The following CORO1B variants were observed in gnomAD, a reference collection of about 807,000 sequenced individuals.
CORO1B encodes the protein coronin 1B.
CORO1B carries 30 observed loss-of-function variants against 51.1 expected under a neutral mutation model. The ratio of observed to expected loss-of-function variants is 0.59; its 90% CI spans 0.44 to 0.80. The LOEUF is 0.80. CORO1B is among the 30% of genes least tolerant of loss of function. CORO1B has a pLI of 0.00. For synonymous variants in CORO1B, 310 were observed against 289.7 expected (o/e 1.07, Z -0.71); for missense variants, 648 against 700.4 (o/e 0.93, Z 0.84).
upstream of CORO1B, chr11:67,443,652 TG>T: frequency 2.3e-6 from 2 of 866,822 alleles, no homozygotes; most frequent in South Asian, 1.1e-4. Flanking sequence ...TAGGACCCGG[TG>T]GAGCGCCCCC....
Position 67,442,177 on chromosome 11 carries a change from C to T in CORO1B, c.202-89G>A, listed in dbSNP as rs148289746. ...TGGAGTGGGAATGACATGCACGTCC[C>T]GGCTCACAGGTGGCCCAGATGTGAC... On this transcript the variant is annotated intron_variant, in intron 2 of 10. Transcript: ENST00000341356. 505 of 1,566,068 alleles carry T rather than the reference C, an allele frequency of 3.2e-4. 2 individuals are homozygous for T. Among genetic ancestry groups the T allele is most frequent in the East Asian group, 1.4e-3 (63 of 44,166 alleles).
chr11:67,438,476 A>C lies in CORO1B; in HGVS notation c.1370T>G (p.Met457Arg), dbSNP rs200669952. ...CGCCCTCAGGGCCCGCAGCTCCTGC[A>C]TCACCTCCTCCAGCTTCCCAGCCTC... ...AGEAGKLEEV[M>R]QELRALRALV... The change falls in exon 11 of 11, where the codon ATG (methionine) becomes AGG (arginine). Residue 457 changes from methionine to arginine, a missense_variant. By Grantham distance (91) the Met-to-Arg change is moderately conservative. Transcript: ENST00000341356. 70 of 1,609,854 alleles carry C rather than the reference A, an allele frequency of 4.3e-5. No individual in the cohort carries two copies. The highest frequency in any genetic ancestry group is 4.8e-5 in the Non-Finnish European group (57 of 1,177,854).
Position 67,443,427 on chromosome 11 carries a change from G to GT in CORO1B, c.-27_-26insA, listed in dbSNP as rs1200366676. The GT allele has an allele frequency of 1.0e-6, 1 of 984,138 alleles. No individual in the cohort carries two copies. The highest frequency in any genetic ancestry group is 1.1e-4 in the East Asian group (1 of 8,832). 61.0% of individuals were successfully genotyped at this position (984,138 alleles called of 1,614,324 possible). A position where few individuals can be genotyped will look rare whatever the true frequency, so the allele number is the denominator to read the frequency against. Reference sequence around the variant, plus strand: ...ACCGGGGGCACCGGGGGCGCAGGGGGCTGCGGCACCGGCTTCGGGCGGCTC... The same window carrying GT: ...ACCGGGGGCACCGGGGGCGCAGGGGGTCTGCGGCACCGGCTTCGGGCGGCTC... On this transcript the variant is annotated 5_prime_UTR_variant, in exon 1 of 11. Coordinates refer to ENST00000341356, the MANE Select transcript of CORO1B (RefSeq NM_020441.3).
rs1590988159 is a variant in CORO1B at position 67,442,411 on chromosome 11, A to G, written c.201+17T>C. 3 of 1,611,428 alleles carry G rather than the reference A, an allele frequency of 1.9e-6. No homozygotes were observed. Among genetic ancestry groups the G allele is most frequent in the South Asian group, 2.2e-5 (2 of 91,042 alleles). The stretch of plus-strand genomic sequence containing the variant: ...GGCCGAGGTGCCTCCTCTTCCCCCA[A>G]CCCTGACAGGACCCACCTTGCTTAG... On this transcript the variant is annotated intron_variant, in intron 2 of 10. Transcript: ENST00000341356.
In CORO1B at chr11:67,438,899, T is replaced by C. The variant is rs1461476796; in HGVS notation, c.1116A>G (p.Ala372=). ...TCACCCACTCCTCAGCCTCCAGGGC[T>C]GCCTCGGGCCCGGCTGTGTCGGGGT... is the stretch of plus-strand genomic sequence containing the variant. ...DLYPDTAGPE[A]ALEAEEWVSG... The change falls in exon 10 of 11, where the codon GCA becomes GCG. Residue 372 remains alanine, a synonymous_variant. Transcript: ENST00000341356. The C allele has an allele frequency of 3.7e-6, 6 of 1,609,518 alleles. No homozygotes were observed. In the South Asian group the frequency reaches 6.6e-5, roughly 18 times the overall value.
Position 67,441,143 on chromosome 11 carries a change from C to T in CORO1B, c.738G>A (p.Gln246=). Residue 246 remains glutamine (Q), a synonymous_variant, in exon 6 of 11, where the codon CAG becomes CAA. Coordinates refer to ENST00000341356, the MANE Select transcript of CORO1B (RefSeq NM_020441.3). ...TTGFSRMSER[Q]LALWDPENLE... ...CACTCACTGGGTCCCAGAGCGCCAG[C>T]TGCCGCTCGCTCATTCGGCTGAAGC... 3 of 1,613,044 alleles carry T rather than the reference C, an allele frequency of 1.9e-6. No individual in the cohort carries two copies. The highest frequency in any genetic ancestry group is 8.5e-7 in the Non-Finnish European group (1 of 1,180,000).
At position 67,438,242 on chromosome 11, in the gene CORO1B, CG is replaced by C; in HGVS notation, c.*133del. 8.9e-7 allele frequency: 1 copy of C among 1,127,488 alleles called. No homozygotes were observed. The highest frequency in any genetic ancestry group is 1.2e-6 in the Non-Finnish European group (1 of 804,880). The allele number at this position is 1,127,488 out of a possible 1,614,324, so 69.8% of individuals were successfully genotyped here. On this transcript the variant is annotated 3_prime_UTR_variant, in exon 11 of 11. Coordinates refer to ENST00000341356, the MANE Select transcript of CORO1B (RefSeq NM_020441.3). ...CGCTGGCTTCGGCCTGGGCCTGGGA[CG>C]GGTGGGGGTGGGAACTGACCCCTGC... is the stretch of plus-strand genomic sequence containing the variant.
In CORO1B at chr11:67,436,438, T is replaced by C. The variant is rs1864282396; in HGVS notation, c.*1938A>G. On this transcript the variant is annotated 3_prime_UTR_variant, in exon 11 of 11. Coordinates refer to ENST00000341356, the MANE Select transcript of CORO1B (RefSeq NM_020441.3). Reference sequence around the variant, plus strand: ...GGCTGGGTGACCAAGACCACTTTCGTTTTTTTCTCTTTGGGATCCTCTTGG... The same window carrying C: ...GGCTGGGTGACCAAGACCACTTTCGCTTTTTTCTCTTTGGGATCCTCTTGG... 1 of 1,376,290 alleles carries C rather than the reference T, an allele frequency of 7.3e-7. No homozygotes were observed. The highest frequency in any genetic ancestry group is 2.7e-5 in the East Asian group (1 of 37,666). 85.3% of individuals were successfully genotyped at this position (1,376,290 alleles called of 1,614,324 possible). A position where few individuals can be genotyped will look rare whatever the true frequency, so the allele number is the denominator to read the frequency against.
In CORO1B at chr11:67,436,027, A is replaced by C. The variant is rs778676732; in HGVS notation, c.*2349T>G. On this transcript the variant is annotated 3_prime_UTR_variant, in exon 11 of 11. Transcript: ENST00000341356. ...CGTGGTCATAGTCTGTGTCCTGCTC[A>C]TCCTCCTGTCGCTCAAGGTCATTGT... 1.2e-6 allele frequency: 2 copies of C among 1,613,646 alleles called. No homozygotes were observed. Among genetic ancestry groups the C allele is most frequent in the Non-Finnish European group, 1.7e-6 (2 of 1,179,858 alleles).
rs146626804 is a variant in CORO1B, at chr11:67,438,875, C to T, written c.1140G>A (p.Val380=). The part of the protein sequence containing the change: ...PEAALEAEEW[V]SGRDADPILI... ...GGATCGGGTCGGCATCCCGCCCGCT[C>T]ACCCACTCCTCAGCCTCCAGGGCTG... Residue 380 remains valine, a synonymous_variant, in exon 10 of 11, where the codon GTG becomes GTA. Coordinates refer to ENST00000341356, the MANE Select transcript of CORO1B (RefSeq NM_020441.3). The T allele has an allele frequency of 6.7e-5, 108 of 1,608,680 alleles. No homozygotes were observed. In the African/African-American group the frequency reaches 1.4e-3, roughly 20 times the overall value.
Position 67,443,458 on chromosome 11 carries a change from C to T in CORO1B, c.-57G>A, listed in dbSNP as rs1864436823. The T allele has an allele frequency of 2.0e-6, 2 of 986,210 alleles. No homozygotes were observed. Among genetic ancestry groups the T allele is most frequent in the East Asian group, 1.1e-4 (1 of 8,830 alleles). The allele number at this position is 986,210 out of a possible 1,614,324, so 61.1% of individuals were successfully genotyped here. ...GCACCGGCTTCGGGCGGCTCCGGATCCCGGCCTCTGGGAAGCAGGAAGCAG... is the reference window on the plus strand; with the variant it reads ...GCACCGGCTTCGGGCGGCTCCGGATTCCGGCCTCTGGGAAGCAGGAAGCAG... On this transcript the variant is annotated 5_prime_UTR_variant, in exon 1 of 11. Coordinates refer to ENST00000341356, the MANE Select transcript of CORO1B (RefSeq NM_020441.3).
rs1001846227 is a variant in CORO1B at position 67,436,570 on chromosome 11, ACAGCTG to A, written c.*1800_*1805del. 108 of 460,770 alleles carry A rather than the reference ACAGCTG, an allele frequency of 2.3e-4. No individual in the cohort carries two copies. Among genetic ancestry groups the A allele is most frequent in the African/African-American group, 2.1e-3 (104 of 49,354 alleles). The allele number at this position is 460,770 out of a possible 1,614,324, so 28.5% of individuals were successfully genotyped here. A position where few individuals can be genotyped will look rare whatever the true frequency, so the allele number is the denominator to read the frequency against. On this transcript the variant is annotated 3_prime_UTR_variant, in exon 11 of 11. Coordinates refer to ENST00000341356, the MANE Select transcript of CORO1B (RefSeq NM_020441.3). ...TCCTCCCTACCACTCACCTCCCCCA[ACAGCTG>A]CATTAAGCCACCTGCCTGGGGCCTT...
At position 67,436,021 on chromosome 11, in the gene CORO1B, C is replaced by T. The variant is rs753383691; in HGVS notation, c.*2355G>A. ...CCGCGACGTGGTCATAGTCTGTGTC[C>T]TGCTCATCCTCCTGTCGCTCAAGGT... On this transcript the variant is annotated 3_prime_UTR_variant, in exon 11 of 11. Coordinates refer to ENST00000341356, the MANE Select transcript of CORO1B (RefSeq NM_020441.3). The T allele has an allele frequency of 2.2e-5, 36 of 1,613,590 alleles. 1 individual carries two copies. In the South Asian group the frequency reaches 4.0e-4, roughly 18 times the overall value.
Position 67,435,651 on chromosome 11 carries a change from T to G in CORO1B, c.*2725A>C. 1 of 1,479,134 alleles carries G rather than the reference T, an allele frequency of 6.8e-7. No homozygotes were observed. Among genetic ancestry groups the G allele is most frequent in the Non-Finnish European group, 8.9e-7 (1 of 1,118,820 alleles). 91.6% of individuals were successfully genotyped at this position (1,479,134 alleles called of 1,614,324 possible). ...GAGGCATGGTCATGTGGGCTGGGGG[T>G]CCAGTCCAGCCATGGCATCTTGGGA... On this transcript the variant is annotated 3_prime_UTR_variant, in exon 11 of 11. Coordinates refer to ENST00000341356, the MANE Select transcript of CORO1B (RefSeq NM_020441.3).
Position 67,437,768 on chromosome 11 carries a change from C to T in CORO1B, c.*608G>A, listed in dbSNP as rs1170285357. On this transcript the variant is annotated 3_prime_UTR_variant, in exon 11 of 11. Coordinates refer to ENST00000341356, the MANE Select transcript of CORO1B (RefSeq NM_020441.3). ...CCACCTGCCCCTCCCTGCTGCAGGA[C>T]CCCTGGTCCACACCAGACCCTCCCC... 12 of 819,802 alleles carry T rather than the reference C, an allele frequency of 1.5e-5. No individual in the cohort carries two copies. The highest frequency in any genetic ancestry group is 1.8e-5 in the Non-Finnish European group (11 of 595,044). The allele number at this position is 819,802 out of a possible 1,614,324, so 50.8% of individuals were successfully genotyped here.
chr11:67,436,524 T>TCAGCCCCCATCCCTC lies in CORO1B; in HGVS notation c.*1837_*1851dup. ...TCAACCAGGCTCTGGCCCTGTGAGA[T>TCAGCCCCCATCCCTC]CAGCCCCCATCCCTCCAGCCTCCTC... On this transcript the variant is annotated 3_prime_UTR_variant, in exon 11 of 11. Coordinates refer to ENST00000341356, the MANE Select transcript of CORO1B (RefSeq NM_020441.3). 1 of 683,848 alleles carries TCAGCCCCCATCCCTC rather than the reference T, an allele frequency of 1.5e-6. No individual in the cohort carries two copies. Among genetic ancestry groups the TCAGCCCCCATCCCTC allele is most frequent in the Non-Finnish European group, 2.2e-6 (1 of 450,254 alleles). The allele number at this position is 683,848 out of a possible 1,614,324, so 42.4% of individuals were successfully genotyped here. A position where few individuals can be genotyped will look rare whatever the true frequency, so the allele number is the denominator to read the frequency against.
chr11:67,438,694 T>C lies in CORO1B; in HGVS notation c.1321A>G (p.Ser441Gly), dbSNP rs1242800350. 1.3e-6 allele frequency: 2 copies of C among 1,546,008 alleles called. No homozygotes were observed. The highest frequency in any genetic ancestry group is 8.7e-7 in the Non-Finnish European group (1 of 1,148,662). The change falls in exon 10 of 11, where the codon AGC becomes GGC. Residue 441 changes from serine (S) to glycine (G), a missense_variant. Ser to Gly is a moderately conservative substitution (Grantham distance 56). Transcript: ENST00000341356. ...ACCCCGGCTCTGGCCAGGCTGCCGC[T>C]GGGGGTGGCATCAGCAGCAGTGGTG... ...STTTAADATPSGSLARAGEAG... is the reference protein window; with the variant it reads ...STTTAADATPGGSLARAGEAG...
rs1243655997 is a variant in CORO1B at position 67,441,405 on chromosome 11, G to A, written c.564C>T (p.Gly188=). 6.2e-7 allele frequency: 1 copy of A among 1,613,902 alleles called. No individual in the cohort carries two copies. The highest frequency in any genetic ancestry group is 1.7e-5 in the Admixed American group (1 of 60,032). The stretch of plus-strand genomic sequence containing the variant: ...CCTTGCATGCTGAGCAAAACAGGCT[G>A]CCATTGTGGTTCCAGCTGACATTGT... ...LIYNVSWNHN[G]SLFCSACKDK... is the part of the protein sequence containing the mutation. Residue 188 remains glycine (G), a synonymous_variant, in exon 5 of 11, where the codon GGC becomes GGT. Transcript: ENST00000341356.
chr11:67,438,218 G>A lies in CORO1B; in HGVS notation c.*158C>T. ...ACAGGAACAGTGAGGAAAGCTGGGC[G>A]CTGGCTTCGGCCTGGGCCTGGGACG... On this transcript the variant is annotated 3_prime_UTR_variant, in exon 11 of 11. Coordinates refer to ENST00000341356, the MANE Select transcript of CORO1B (RefSeq NM_020441.3). The A allele has an allele frequency of 2.3e-6, 2 of 877,212 alleles. No individual in the cohort carries two copies. Among genetic ancestry groups the A allele is most frequent in the Non-Finnish European group, 3.4e-6 (2 of 589,008 alleles). The allele number at this position is 877,212 out of a possible 1,614,324, so 54.3% of individuals were successfully genotyped here. A position where few individuals can be genotyped will look rare whatever the true frequency, so the allele number is the denominator to read the frequency against.
Sources: allele counts gnomAD v4.1 joint callset, GRCh38; gene constraint gnomAD v4.1.1; transcripts MANE v1.5; gene names NCBI Gene and HGNC (gene_info 2026-07-23, HGNC 2026-07-21).